The following NCKAP5 variants were observed in gnomAD, a reference collection of about 807,000 sequenced individuals.
NCKAP5 encodes NCK associated protein 5, also known as nck-associated protein 5.
Under a neutral mutation model 167.0 loss-of-function variants are expected in NCKAP5, and 92 were observed. The ratio of observed to expected loss-of-function variants is 0.55; its 90% confidence interval spans 0.47 to 0.66. The LOEUF (loss-of-function observed/expected upper bound fraction) is 0.66. NCKAP5 is among the 30% of genes least tolerant of loss of function. The probability of loss-of-function intolerance (pLI) is 0.00; values close to 1 mark genes in which losing one functional copy is unlikely to be tolerated. For missense variants in NCKAP5, 2,378 were observed against 2,315.0 expected (o/e 1.03, Z -0.56); for synonymous variants, 891 against 877.4 (o/e 1.02, Z -0.27).
chr2:133,052,408 G>A (rs549988584), intron 6 of NCKAP5, among the ~76,000 whole-genome samples: 1 of 152,270 alleles, frequency 6.6e-6, no homozygotes, highest in South Asian at 2.1e-4. Context: ...CAGGAGATGG[G>A]CAAAGAGTAT....
At chr2:133,635,466 C>T in the NCKAP5 span, among the ~76,000 whole-genome samples, 2 of 152,096 alleles carry the variant, frequency 1.3e-5, no homozygotes, top group Non-Finnish European at 2.9e-5. Flanking sequence ...ATCAGTCTGC[C>T]AGAAGACCTA....
chr2:133,628,672 G>A, the NCKAP5 span, among the ~76,000 whole-genome samples: 7 of 152,128 alleles, frequency 4.6e-5, no homozygotes, highest in Admixed American at 1.3e-4. Flanking sequence ...AAAAGAGCCC[G>A]TATAGCCAAA....
intron 11 of NCKAP5, among the ~76,000 whole-genome samples, chr2:132,824,640 G>A (rs1686995978): frequency 6.6e-6 from 1 of 152,190 alleles, no homozygotes. Flanking sequence ...TTGGGAGTAT[G>A]TTCATCAGTT....
chr2:133,102,813 A>G (rs1469145347), intron 6 of NCKAP5, among the ~76,000 whole-genome samples: 1 of 151,090 alleles, frequency 6.6e-6, no homozygotes, highest in African/African-American at 2.4e-5. Context: ...CAATGGCTGC[A>G]TGGGTTCTGT....
intron 6 of NCKAP5, among the ~76,000 whole-genome samples, chr2:133,047,944 T>C (rs569015480): frequency 6.6e-5 from 10 of 152,270 alleles, no homozygotes; most frequent in Admixed American, 3.9e-4. Flanking sequence ...TGCATGCACA[T>C]TGAAGAAGGG....
At chr2:133,661,594 C>A in the NCKAP5 span, among the ~76,000 whole-genome samples, 1 of 152,202 alleles carries the variant, frequency 6.6e-6, no homozygotes, top group Non-Finnish European at 1.5e-5. Context: ...TGAATCCCTG[C>A]TATCGCTACC....
intron 7 of NCKAP5, among the ~76,000 whole-genome samples, chr2:132,991,849 G>A (rs1014482132): frequency 3.9e-5 from 6 of 152,136 alleles, no homozygotes; most frequent in African/African-American, 9.7e-5. Context: ...GAATTTGGCC[G>A]CAGGGAGGTG....
chr2:133,327,039 G>A (rs940070434), intron 3 of NCKAP5, among the ~76,000 whole-genome samples: 5 of 152,164 alleles, frequency 3.3e-5, no homozygotes, highest in Non-Finnish European at 7.3e-5. Context: ...AGTTCTGTTG[G>A]GGAGCTTCTT....
chr2:132,985,151 CAG>C (rs1309603349), intron 7 of NCKAP5, among the ~76,000 whole-genome samples: 2 of 151,954 alleles, frequency 1.3e-5, no homozygotes, highest in East Asian at 3.9e-4. Context: ...TTTGTTTTAA[CAG>C]AGAGACCATA....
At chr2:133,333,064 G>A (rs761322440) in intron 3 of NCKAP5, among the ~76,000 whole-genome samples, 3 of 152,164 alleles carry the variant, frequency 2.0e-5, no homozygotes, top group Non-Finnish European at 2.9e-5. Context: ...AATCTAAAAC[G>A]TGCCCTTGTT....
At chr2:133,490,280 T>C (rs1188595778) in intron 3 of NCKAP5, among the ~76,000 whole-genome samples, 2 of 152,094 alleles carry the variant, frequency 1.3e-5, no homozygotes, top group East Asian at 3.9e-4. Context: ...GTGTGGTCCA[T>C]GGAGAGTAGT....
chr2:133,491,979 T>C (rs1681491250), intron 3 of NCKAP5, among the ~76,000 whole-genome samples: 1 of 152,170 alleles, frequency 6.6e-6, no homozygotes, highest in Non-Finnish European at 1.5e-5. Context: ...CAGGGCTTTT[T>C]CCATTTCTTC....
At chr2:133,564,006 C>T (rs1335070490) in intron 1 of NCKAP5, among the ~76,000 whole-genome samples, 2 of 152,090 alleles carry the variant, frequency 1.3e-5, no homozygotes, top group Admixed American at 6.6e-5. Flanking sequence ...TGGTGGCAGG[C>T]ACCTGTAATC....
chr2:132,706,134 T>C (rs1688339576), intron 19 of NCKAP5, among the ~76,000 whole-genome samples: 1 of 152,188 alleles, frequency 6.6e-6, no homozygotes, highest in African/African-American at 2.4e-5. Context: ...ATAATTTTTT[T>C]CCTGAATGAA....
chr2:133,076,291 A>G (rs917433345), intron 6 of NCKAP5, among the ~76,000 whole-genome samples: 1 of 152,178 alleles, frequency 6.6e-6, no homozygotes, highest in Non-Finnish European at 1.5e-5. Flanking sequence ...CCTATACTGT[A>G]TGTCCAAGGA....
At chr2:133,121,123 G>A (rs745587335) in intron 6 of NCKAP5, among the ~76,000 whole-genome samples, 9 of 152,004 alleles carry the variant, frequency 5.9e-5, no homozygotes, top group Non-Finnish European at 1.3e-4. Context: ...AGAAAATACC[G>A]ATGCCAGAAA....
chr2:133,049,124 AAACT>A (rs1203955787), intron 6 of NCKAP5, among the ~76,000 whole-genome samples: 6 of 152,234 alleles, frequency 3.9e-5, no homozygotes, highest in Non-Finnish European at 8.8e-5. Context: ...AGCCCTTGCC[AAACT>A]AACTATTATT....
At chr2:133,069,044 G>A (rs1008170460) in intron 6 of NCKAP5, among the ~76,000 whole-genome samples, 2 of 152,116 alleles carry the variant, frequency 1.3e-5, no homozygotes, top group Admixed American at 6.5e-5. Context: ...AAACTGTGAC[G>A]TTATGGTGCA....
intron 16 of NCKAP5, among the ~76,000 whole-genome samples, chr2:132,743,393 T>C (rs1462275495): frequency 6.6e-6 from 1 of 151,784 alleles, no homozygotes; most frequent in Non-Finnish European, 1.5e-5. Context: ...CTAACATATA[T>C]AGAAGTAAAA....
Sources: allele counts gnomAD v4.1 joint callset (sites outside exome capture counted in the v4.1 genomes callset), GRCh38; gene constraint gnomAD v4.1.1; transcripts MANE v1.5; gene names NCBI Gene and HGNC (gene_info 2026-07-23, HGNC 2026-07-21).